The following COL5A1 variants were observed in gnomAD, a reference collection of about 807,000 sequenced individuals.
COL5A1 encodes collagen alpha-1(V) chain.
Under a neutral mutation model 263.7 loss-of-function variants are expected in COL5A1, and 16 were observed. The ratio of observed to expected loss-of-function variants is 0.06; its 90% CI spans 0.04 to 0.09. COL5A1 has a LOEUF of 0.09. Among genes scored for constraint, COL5A1 ranks in the 10% least tolerant of loss-of-function variants. The pLI is 1.00. For missense variants in COL5A1, 2,036 were observed against 2,540.5 expected, an observed-to-expected ratio of 0.80 and a Z score of 4.27; for synonymous variants, 1,012 against 1,004.5, an observed-to-expected ratio of 1.01 and a Z score of -0.14.
At chr9:134,753,719 C>A in intron 14 of COL5A1, 131 bp from the exon 15 acceptor site, 1 of 711,632 alleles carries the variant, frequency 1.4e-6, no homozygotes, top group African/African-American at 1.7e-5. Context: ...AGACAGGTCG[C>A]GCTTTGTGTG....
rs1832887293 is a variant in COL5A1, at chr9:134,682,329, G to A, written c.110-8583G>A. Among the ~76,000 whole-genome samples the A allele has an allele frequency of 1.3e-5, 2 of 152,170 alleles. No homozygotes were observed. The highest frequency in any genetic ancestry group is 1.9e-4 in the East Asian group (1 of 5,184). On this transcript the variant is annotated intron_variant, in intron 1 of 65. Transcript: ENST00000371817. The surrounding 1 kb of genome is among the most constrained non-coding windows in gnomAD (Gnocchi z 5.1). ...CCTGAGCGGAGCACTCTGTACCTGTGTCACCCAAGAGCTGCGGCTTCCTTT... is the reference window on the plus strand; with the variant it reads ...CCTGAGCGGAGCACTCTGTACCTGTATCACCCAAGAGCTGCGGCTTCCTTT...
intron 23 of COL5A1, 38 bp from the exon 24 acceptor site, chr9:134,767,272 G>C: frequency 6.3e-7 from 1 of 1,599,800 alleles, no homozygotes; most frequent in Non-Finnish European, 8.6e-7. Context: ...GTCAATCAGC[G>C]CCCTCACCTT....
At chr9:134,718,000 C>G (rs1834330915) in intron 4 of COL5A1, among the ~76,000 whole-genome samples, 1 of 147,300 alleles carries the variant, frequency 6.8e-6, no homozygotes, top group South Asian at 2.2e-4. Flanking sequence ...TGAGAAGCAG[C>G]CTGGGCTGGG....
intron 32 of COL5A1, among the ~76,000 whole-genome samples, chr9:134,790,605 CCCATCCATCCAT>C (rs58733002): frequency 9.6e-4 from 81 of 84,538 alleles, no homozygotes; most frequent in Non-Finnish European, 1.3e-3. Context: ...CATCCACCCA[CCCATCCATCCAT>C]CCATCCATCC....
At chr9:134,760,938 C>G (rs955320441) in intron 18 of COL5A1, among the ~76,000 whole-genome samples, 1 of 150,646 alleles carries the variant, frequency 6.6e-6, no homozygotes, top group Non-Finnish European at 1.5e-5. Context: ...CATGCACACA[C>G]ATGCATACAC....
intron 4 of COL5A1, among the ~76,000 whole-genome samples, chr9:134,703,509 A>T (rs1379701808): frequency 6.6e-6 from 1 of 152,092 alleles, no homozygotes; most frequent in South Asian, 2.1e-4. Flanking sequence ...CTACCTGCAC[A>T]GCTGCAGGGG....
At chr9:134,762,399 G>C (rs530916345) in intron 19 of COL5A1, among the ~76,000 whole-genome samples, 1 of 152,258 alleles carries the variant, frequency 6.6e-6, no homozygotes, top group Non-Finnish European at 1.5e-5. Context: ...GCAGAAGAGG[G>C]TGGGGGGATT....
At chr9:134,798,037 G>A (rs913271379) in intron 36 of COL5A1, among the ~76,000 whole-genome samples, 1 of 152,216 alleles carries the variant, frequency 6.6e-6, no homozygotes, top group African/African-American at 2.4e-5. Context: ...CAGGCATGGC[G>A]GGGCTGGTGG....
intron 4 of COL5A1, among the ~76,000 whole-genome samples, chr9:134,717,312 G>A (rs1341155492): frequency 4.6e-5 from 7 of 152,326 alleles, no homozygotes; most frequent in African/African-American, 7.2e-5. Context: ...CTGTACTTGC[G>A]GGGAACGCAG....
At chr9:134,800,982 A>T (rs1488371852) in intron 37 of COL5A1, among the ~76,000 whole-genome samples, 1 of 152,142 alleles carries the variant, frequency 6.6e-6, no homozygotes, top group African/African-American at 2.4e-5. Context: ...CACCAGTGTC[A>T]TGTGGCACCT....
rs1021184460 is a variant in COL5A1, at chr9:134,757,269, T to C, written c.1881+451T>C. Among the ~76,000 whole-genome samples the C allele has an allele frequency of 2.0e-5, 3 of 152,154 alleles. No homozygotes were observed. Among genetic ancestry groups the C allele is most frequent in the Admixed American group, 6.5e-5 (1 of 15,282 alleles). ...GAGGCTGCACCAGGCATGCACCAGC[T>C]GTTGCTGTCGCCACTCATGCCTGCC... On this transcript the variant is annotated intron_variant, in intron 17 of 65. Transcript: ENST00000371817. This position sits in a 1 kb window ranked among gnomAD's most constrained non-coding sequence, Gnocchi z 6.2.
At chr9:134,829,160 C>T (rs1039923779) in intron 63 of COL5A1, among the ~76,000 whole-genome samples, 3 of 152,348 alleles carry the variant, frequency 2.0e-5, no homozygotes, top group South Asian at 2.1e-4. Flanking sequence ...CCTCAGTGAG[C>T]GTTTCCAGCA....
intron 25 of COL5A1, 64 bp downstream of exon 25, chr9:134,768,527 G>A: frequency 6.6e-7 from 1 of 1,516,828 alleles, no homozygotes; most frequent in South Asian, 1.1e-5. Context: ...GGATAGGGCT[G>A]CAGGCCCAGG....
intron 1 of COL5A1, among the ~76,000 whole-genome samples, chr9:134,689,106 T>A (rs189649057): frequency 5.9e-5 from 9 of 152,222 alleles, no homozygotes; most frequent in Admixed American, 4.6e-4. Flanking sequence ...GTCTGGGTGC[T>A]CCTCTTGCTG....
chr9:134,713,493 G>C (rs1014587313), intron 4 of COL5A1, among the ~76,000 whole-genome samples: 1 of 152,220 alleles, frequency 6.6e-6, no homozygotes, highest in Non-Finnish European at 1.5e-5. Context: ...TTACTCTATT[G>C]GTTGACAGAA....
At chr9:134,727,046 CGGATGGAT>C (rs71381829) in intron 4 of COL5A1, among the ~76,000 whole-genome samples, 18 of 103,208 alleles carry the variant, frequency 1.7e-4, no homozygotes, top group African/African-American at 4.6e-4. Flanking sequence ...GATGAGTGAA[CGGATGGAT>C]GGATGGATGG....
chr9:134,652,764 G>A lies in COL5A1; in HGVS notation c.109+10468G>A, dbSNP rs758710664. On this transcript the variant is annotated intron_variant, in intron 1 of 65. Transcript: ENST00000371817. The surrounding 1 kb of genome is among the most constrained non-coding windows in gnomAD (Gnocchi z 4.4). ...AGGAGGGAGGGCCTCTTCTTAGGCCGGGTCCAGCGTTTCTCCTCATGGTGT... is the reference window on the plus strand; with the variant it reads ...AGGAGGGAGGGCCTCTTCTTAGGCCAGGTCCAGCGTTTCTCCTCATGGTGT... The A allele has an allele frequency of 8.7e-5, 41 of 470,318 alleles. No homozygotes were observed. Among genetic ancestry groups the A allele is most frequent in the African/African-American group, 5.6e-4 (28 of 50,052 alleles). The allele number at this position is 470,318 out of a possible 1,614,324, so 29.1% of individuals were successfully genotyped here. A position where few individuals can be genotyped will look rare whatever the true frequency, so the allele number is the denominator to read the frequency against.
In COL5A1 at chr9:134,804,956, T is replaced by G; in HGVS notation, c.3115-19T>G. On this transcript the variant is annotated intron_variant, in intron 39 of 65. Coordinates refer to ENST00000371817, the MANE Select transcript of COL5A1 (RefSeq NM_000093.5). ...GCGTCACTGGCTCCAGGAAAGCTCA[T>G]CTCTGACTCTGTTTTCAGGGTGACC... is the stretch of plus-strand genomic sequence containing the variant. 1 of 1,608,224 alleles carries G rather than the reference T, an allele frequency of 6.2e-7. No homozygotes were observed. Among genetic ancestry groups the G allele is most frequent in the Non-Finnish European group, 8.5e-7 (1 of 1,175,092 alleles).
Position 134,834,743 on chromosome 9 carries a change from G to T in COL5A1, c.5137-228G>T, listed in dbSNP as rs1401828767. ...AAGCATAAGCCAAGAGAAGTGGGTG[G>T]ATTATTTAAGGCCCTGAAGGACATG... On this transcript the variant is annotated intron_variant, in intron 64 of 65. Coordinates refer to ENST00000371817, the MANE Select transcript of COL5A1 (RefSeq NM_000093.5). Among the ~76,000 whole-genome samples, 3 of 152,154 alleles carry T rather than the reference G, an allele frequency of 2.0e-5. 1 individual carries two copies. The highest frequency in any genetic ancestry group is 4.4e-5 in the Non-Finnish European group (3 of 68,020).
Sources: gnomAD v4.1 joint callset for allele counts (sites outside exome capture counted in the v4.1 genomes callset) on GRCh38, gnomAD v4.1.1 for gene constraint, Gnocchi (gnomAD v3.1) non-coding constraint, MANE v1.5 for transcripts, NCBI Gene and HGNC (gene_info 2026-07-23, HGNC 2026-07-21) for gene names.